The following GRID2 variants were observed in gnomAD, a reference collection of about 807,000 sequenced individuals.
GRID2 encodes the protein glutamate receptor ionotropic, delta-2.
A neutral mutation model predicts 114.8 loss-of-function variants in GRID2; 33 were observed. That is an observed-to-expected ratio of 0.29 (90% confidence interval 0.22 to 0.38). The LOEUF (loss-of-function observed/expected upper bound fraction) is 0.38, where lower values mean the gene tolerates loss of function less well. GRID2 is among the 10% of genes least tolerant of loss of function. The pLI, the probability that GRID2 is intolerant of heterozygous loss-of-function variation, is 1.00. For missense variants in GRID2, 1,184 were observed against 1,257.7 expected (o/e 0.94, Z 0.89); for synonymous variants, 505 against 449.9 (o/e 1.12, Z -1.55).
Position 93,007,686 on chromosome 4 carries a change from G to T in GRID2, c.245-77309G>T, listed in dbSNP as rs1352327700. On this transcript the variant is annotated intron_variant, in intron 2 of 15. Coordinates refer to ENST00000282020, the MANE Select transcript of GRID2 (RefSeq NM_001510.4). ...CCAGGCTAAAACAAAGGTGTTAAAA[G>T]GGGTAGAATGATAAATATGTTCTGA... Among the ~76,000 whole-genome samples, 4 of 152,040 alleles carry T rather than the reference G, an allele frequency of 2.6e-5. No individual in the cohort carries two copies. In the East Asian group the frequency reaches 7.7e-4, roughly 29 times the overall value.
At chr4:93,148,692 T>C (rs538019175) in intron 4 of GRID2, among the ~76,000 whole-genome samples, 52 of 152,248 alleles carry the variant, frequency 3.4e-4, no homozygotes, top group Admixed American at 8.5e-4. Flanking sequence ...TATTCATAAA[T>C]ATCTGCAGTT....
At chr4:92,402,741 G>A (rs1035980141) in intron 1 of GRID2, among the ~76,000 whole-genome samples, 1 of 152,176 alleles carries the variant, frequency 6.6e-6, no homozygotes, top group African/African-American at 2.4e-5. Context: ...AGGCCCCTAG[G>A]ATGTTCAGAA....
chr4:93,456,650 T>C (rs1723225170), intron 11 of GRID2, among the ~76,000 whole-genome samples: 1 of 152,180 alleles, frequency 6.6e-6, no homozygotes, highest in African/African-American at 2.4e-5. Flanking sequence ...CTTGAGACTA[T>C]TGCCTCATAG....
intron 10 of GRID2, among the ~76,000 whole-genome samples, chr4:93,423,503 C>T (rs867724900): frequency 2.3e-4 from 35 of 151,348 alleles, no homozygotes; most frequent in Admixed American, 2.3e-3. Context: ...CCCGCCCCCA[C>T]GCCCAGCTAA....
chr4:93,693,629 C>T (rs1726759331), intron 14 of GRID2, among the ~76,000 whole-genome samples: 1 of 151,998 alleles, frequency 6.6e-6, no homozygotes, highest in Non-Finnish European at 1.5e-5. Context: ...CTTTTCTGTA[C>T]CTAAAATTTC....
intron 1 of GRID2, among the ~76,000 whole-genome samples, chr4:92,486,579 A>ACG (rs978257543): frequency 6.6e-6 from 1 of 151,404 alleles, no homozygotes; most frequent in African/African-American, 2.4e-5. Context: ...ACACACACAC[A>ACG]CACACACACA....
At chr4:93,770,840 A>G (rs1165535147) in intron 15 of GRID2, among the ~76,000 whole-genome samples, 3 of 152,202 alleles carry the variant, frequency 2.0e-5, no homozygotes, top group African/African-American at 7.2e-5. Flanking sequence ...TTGATGGATG[A>G]CTACATTACA....
At position 93,164,160 on chromosome 4, in the gene GRID2, G is replaced by A. The variant is rs548975958; in HGVS notation, c.736-43244G>A. Among the ~76,000 whole-genome samples the A allele has an allele frequency of 5.6e-3, 840 of 151,022 alleles. 10 individuals carry two copies. Among genetic ancestry groups the A allele is most frequent in the African/African-American group, 0.019 (803 of 41,204 alleles). On this transcript the variant is annotated intron_variant, in intron 4 of 15. Transcript: ENST00000282020. ...AGGCGAAAAACCAAGCCCGGGGGGG[G>A]AAAAAAAAGGTAATTTAGAAAAGAA...
chr4:93,102,307 T>G (rs1349549598), intron 3 of GRID2, among the ~76,000 whole-genome samples: 1 of 152,194 alleles, frequency 6.6e-6, no homozygotes, highest in Non-Finnish European at 1.5e-5. Context: ...TTCACTGTAA[T>G]TTGTTAAACT....
rs961007212 is a variant in GRID2 at position 93,125,195 on chromosome 4, T to G, written c.735+14242T>G. 4.6e-5 allele frequency among the ~76,000 whole-genome samples: 7 copies of G among 152,184 alleles called. No individual in the cohort carries two copies. The East Asian group carries it at 1.4e-3, about 29-fold the overall frequency. On this transcript the variant is annotated intron_variant, in intron 4 of 15. Coordinates refer to ENST00000282020, the MANE Select transcript of GRID2 (RefSeq NM_001510.4). ...CCTGGGTCCTGAAATCATATTTCAC[T>G]TTTTTCATATGTCTTTTTTAGTAAG...
intron 11 of GRID2, among the ~76,000 whole-genome samples, chr4:93,468,749 T>C (rs1047184819): frequency 6.6e-6 from 1 of 152,008 alleles, no homozygotes; most frequent in African/African-American, 2.4e-5. Flanking sequence ...AGCAGAGAAG[T>C]GACAGGACAA....
intron 14 of GRID2, among the ~76,000 whole-genome samples, chr4:93,631,455 A>G (rs960526562): frequency 1.1e-4 from 16 of 152,168 alleles, no homozygotes; most frequent in Non-Finnish European, 2.4e-4. Context: ...TATGAGTGAG[A>G]ACATGCGGTG....
At chr4:92,562,276 G>C (rs984944264) in intron 1 of GRID2, among the ~76,000 whole-genome samples, 5 of 152,258 alleles carry the variant, frequency 3.3e-5, no homozygotes, top group Non-Finnish European at 1.5e-5. Flanking sequence ...TGTTCTCTAA[G>C]TGCCATAGAT....
intron 14 of GRID2, among the ~76,000 whole-genome samples, chr4:93,666,998 ATCAG>A (rs1388356073): frequency 6.6e-6 from 1 of 152,132 alleles, no homozygotes; most frequent in Non-Finnish European, 1.5e-5. Context: ...CTTTTTATTT[ATCAG>A]TCAGTAATTA....
intron 1 of GRID2, among the ~76,000 whole-genome samples, chr4:93,793,608 C>G (rs1362446318): frequency 6.6e-6 from 1 of 152,116 alleles, no homozygotes; most frequent in Non-Finnish European, 1.5e-5. Context: ...TATCCTAGTT[C>G]TAATTGTCTT....
chr4:93,800,860 G>T (rs1031473757), intron 1 of GRID2, among the ~76,000 whole-genome samples: 5 of 152,000 alleles, frequency 3.3e-5, no homozygotes, highest in Non-Finnish European at 5.9e-5. Flanking sequence ...AGGAATTCTG[G>T]CAATTAGCTG....
intron 1 of GRID2, among the ~76,000 whole-genome samples, chr4:92,499,016 T>A (rs1723539872): frequency 6.6e-6 from 1 of 151,624 alleles, no homozygotes. Flanking sequence ...TTAGATTTCT[T>A]AAAATCAAAT....
intron 4 of GRID2, among the ~76,000 whole-genome samples, chr4:93,166,582 A>G (rs1377319713): frequency 6.6e-6 from 1 of 152,214 alleles, no homozygotes; most frequent in African/African-American, 2.4e-5. Flanking sequence ...CACATAAACT[A>G]TAGAACTATC....
chr4:92,673,796 G>C (rs1393947411), intron 2 of GRID2, among the ~76,000 whole-genome samples: 1 of 151,958 alleles, frequency 6.6e-6, no homozygotes, highest in Non-Finnish European at 1.5e-5. Context: ...ACACAGGGTG[G>C]GGAACATCAC....
Sources: allele counts gnomAD v4.1 joint callset (sites outside exome capture counted in the v4.1 genomes callset), GRCh38; gene constraint gnomAD v4.1.1; transcripts MANE v1.5; gene names NCBI Gene and HGNC (gene_info 2026-07-23, HGNC 2026-07-21).